The following HELZ variants were observed in gnomAD, a reference collection of about 807,000 sequenced individuals.
HELZ encodes the protein helicase with zinc finger, also known as ATP-dependent RNA helicase with zinc finger domain.
In HELZ, 23 loss-of-function variants were observed where a neutral mutation model predicts 218.2. The ratio of observed to expected loss-of-function variants is 0.11; its 90% CI spans 0.08 to 0.15. HELZ has a LOEUF of 0.15. HELZ is among the 10% of genes least tolerant of loss of function. HELZ has a pLI of 1.00. For missense variants in HELZ, 1,813 were observed against 2,353.7 expected, an observed-to-expected ratio of 0.77 and a Z score of 4.75; for synonymous variants, 814 against 829.4, an observed-to-expected ratio of 0.98 and a Z score of 0.32.
chr17:67,188,258 A>G lies in HELZ; in HGVS notation c.1162+61T>C, dbSNP rs1343243836. ...CCATGGAATATATTCAGGGGCCAAT[A>G]CATATCTTTGAATGTTGCTTTTTAA... On this transcript the variant is annotated intron_variant, in intron 12 of 32. Transcript: ENST00000358691. This position sits in a 1 kb window ranked among gnomAD's most constrained non-coding sequence, Gnocchi z 4.1. 6.9e-7 allele frequency: 1 copy of G among 1,455,592 alleles called. No homozygotes were observed. Among genetic ancestry groups the G allele is most frequent in the African/African-American group, 1.4e-5 (1 of 71,166 alleles). 90.2% of individuals were successfully genotyped at this position (1,455,592 alleles called of 1,614,324 possible).
chr17:67,098,572 TAAAA>T (rs770393293), intron 31 of HELZ, among the ~76,000 whole-genome samples: 2 of 123,960 alleles, frequency 1.6e-5, no homozygotes, highest in African/African-American at 6.1e-5. Context: ...CCGTCTCTAC[TAAAA>T]AAAAAAAAAA....
chr17:67,137,229 C>T (rs1357697235), intron 22 of HELZ, among the ~76,000 whole-genome samples: 1 of 152,156 alleles, frequency 6.6e-6, no homozygotes, highest in African/African-American at 2.4e-5. Flanking sequence ...TAGTCTTCTC[C>T]TCTCCAGGCC....
chr17:67,202,176 TTTCA>T (rs553517708), intron 6 of HELZ, among the ~76,000 whole-genome samples: 165 of 152,276 alleles, frequency 1.1e-3, no homozygotes, highest in African/African-American at 3.8e-3. Context: ...TTTCACTGTG[TTTCA>T]TTATGATTCT....
At chr17:67,210,925 G>T (rs899995055) in intron 5 of HELZ, among the ~76,000 whole-genome samples, 1 of 151,944 alleles carries the variant, frequency 6.6e-6, no homozygotes, top group Admixed American at 6.6e-5. Context: ...AAAAAAAAAA[G>T]TAAGTTTCCT....
At chr17:67,221,828 TTGC>T (rs1336836884) in intron 3 of HELZ, among the ~76,000 whole-genome samples, 2 of 151,672 alleles carry the variant, frequency 1.3e-5, no homozygotes, top group Non-Finnish European at 2.9e-5. Context: ...GTTGTTGTTG[TTGC>T]TGTTTTTTGT....
chr17:67,136,877 C>T (rs2038169198), intron 22 of HELZ, among the ~76,000 whole-genome samples: 1 of 151,970 alleles, frequency 6.6e-6, no homozygotes. Context: ...GACTGTTGCA[C>T]AATAACGTAA....
intron 17 of HELZ, among the ~76,000 whole-genome samples, chr17:67,151,735 G>C (rs2038690616): frequency 6.6e-6 from 1 of 152,186 alleles, no homozygotes; most frequent in Non-Finnish European, 1.5e-5. Flanking sequence ...ACCTCTGTCT[G>C]AGGTTCTGGA....
upstream of HELZ, chr17:67,245,284 C>T (rs1245109427): frequency 5.4e-6 from 5 of 922,376 alleles, no homozygotes; most frequent in Non-Finnish European, 6.5e-6. Context: ...CCCCCTCCGG[C>T]CGCGCCTCCC....
chr17:67,117,801 T>G (rs2037474521), intron 27 of HELZ, among the ~76,000 whole-genome samples: 1 of 152,274 alleles, frequency 6.6e-6, no homozygotes, highest in Middle Eastern at 3.4e-3. Context: ...TCTGCCCACC[T>G]TGGCCTCCCA....
intron 5 of HELZ, among the ~76,000 whole-genome samples, chr17:67,213,307 C>G (rs1415649729): frequency 6.6e-6 from 1 of 152,090 alleles, no homozygotes; most frequent in Non-Finnish European, 1.5e-5. Flanking sequence ...GTGTGTGCAT[C>G]TGAAACTAAT....
intron 9 of HELZ, among the ~76,000 whole-genome samples, chr17:67,191,946 G>A (rs994729524): frequency 1.3e-5 from 2 of 151,830 alleles, no homozygotes; most frequent in African/African-American, 2.4e-5. Context: ...GCTCACGCCT[G>A]TAATCCCAGC....
chr17:67,149,904 T>G lies in HELZ; in HGVS notation c.2438A>C (p.Gln813Pro). The G allele has an allele frequency of 1.2e-6, 2 of 1,611,176 alleles. No homozygotes were observed. The highest frequency in any genetic ancestry group is 1.7e-6 in the Non-Finnish European group (2 of 1,178,396). ...ACCAGCCAAGACAATCCGAGTGTTT[T>G]GAGTTGCTAATGCTAGAGGCATAAT... ...ETIMPLALAT[Q>P]NTRIVLAGDH... The change falls in exon 19 of 33, where the codon CAA becomes CCA. Residue 813 changes from glutamine to proline, a missense_variant. This residue lies in a region of HELZ where 714 missense variants were observed against 1,029.2 expected (regional missense o/e 0.69). Coordinates refer to ENST00000358691, the MANE Select transcript of HELZ (RefSeq NM_014877.4).
chr17:67,238,501 G>GT (rs1223883024), intron 3 of HELZ, among the ~76,000 whole-genome samples: 4 of 152,076 alleles, frequency 2.6e-5, no homozygotes, highest in African/African-American at 9.7e-5. Context: ...GGCCAACATG[G>GT]TAAAGCCCTG....
rs746295751 is a variant in HELZ at position 67,087,007 on chromosome 17, T to C, written c.5316A>G (p.Glu1772=). 2.5e-6 allele frequency: 4 copies of C among 1,614,084 alleles called. No individual in the cohort carries two copies. Among genetic ancestry groups the C allele is most frequent in the African/African-American group, 1.3e-5 (1 of 75,034 alleles). Residue 1772 remains glutamate, a synonymous_variant, in exon 32 of 33, where the codon GAA becomes GAG. Transcript: ENST00000358691. ...GACTGTCTTGAGGAGTGCTTACTTC[T>C]TCAGAACAAGGTTGAACTGAGCTAG... The part of the protein sequence containing the change: ...ISSSSVQPCS[E]EVSTPQDSLA...
At chr17:67,217,923 T>C (rs2040645018) in intron 4 of HELZ, among the ~76,000 whole-genome samples, 1 of 149,278 alleles carries the variant, frequency 6.7e-6, no homozygotes, top group Middle Eastern at 3.2e-3. Flanking sequence ...GGTTTTTGTT[T>C]TTTGTTGTTT....
At chr17:67,150,126 C>CTTTA in intron 18 of HELZ, 141 bp from the exon 19 acceptor site, 1 of 251,194 alleles carries the variant, frequency 4.0e-6, no homozygotes. Flanking sequence ...TATTTATTTT[C>CTTTA]TTTCTTTTTT....
At chr17:67,134,042 T>A (rs1018132583) in intron 23 of HELZ, among the ~76,000 whole-genome samples, 1 of 151,534 alleles carries the variant, frequency 6.6e-6, no homozygotes, top group African/African-American at 2.4e-5. Flanking sequence ...GCAAAATTAG[T>A]AGACTTCTTG....
At chr17:67,190,489 T>C (rs2039863693) in intron 9 of HELZ, 134 bp from the exon 10 acceptor site, 4 of 657,768 alleles carry the variant, frequency 6.1e-6, no homozygotes, top group Non-Finnish European at 1.0e-5. Flanking sequence ...TATCGTACTG[T>C]CTTGTACAAA....
intron 31 of HELZ, among the ~76,000 whole-genome samples, chr17:67,099,315 T>C (rs2036849348): frequency 6.6e-6 from 1 of 152,198 alleles, no homozygotes; most frequent in Non-Finnish European, 1.5e-5. Flanking sequence ...GGTTTAATTT[T>C]AGAGTCCTCA....
Sources: gnomAD v4.1 joint callset for allele counts (sites outside exome capture counted in the v4.1 genomes callset) on GRCh38, gnomAD v4.1.1 for gene constraint, gnomAD v4.1.1 regional missense constraint, Gnocchi (gnomAD v3.1) non-coding constraint, MANE v1.5 for transcripts, NCBI Gene and HGNC (gene_info 2026-07-23, HGNC 2026-07-21) for gene names.